The following GLG1 variants were observed in gnomAD, a reference collection of about 807,000 sequenced individuals.
GLG1 encodes Golgi apparatus protein 1.
GLG1 carries 38 observed loss-of-function variants against 160.5 expected under a neutral mutation model. The observed-to-expected ratio is 0.24, with a 90% confidence interval of 0.18 to 0.31. The LOEUF is 0.31. Among genes scored for constraint, GLG1 ranks in the 10% least tolerant of loss-of-function variants. The pLI, the probability that GLG1 is intolerant of heterozygous loss-of-function variation, is 1.00. For missense variants in GLG1, 1,373 were observed against 1,505.2 expected (o/e 0.91, Z 1.45); for synonymous variants, 644 against 543.4 (o/e 1.19, Z -2.57).
At chr16:74,567,119 T>C (rs920317513) in intron 1 of GLG1, among the ~76,000 whole-genome samples, 15 of 151,924 alleles carry the variant, frequency 9.9e-5, no homozygotes, top group African/African-American at 1.5e-4. Context: ...GAATTTTCTA[T>C]AGGAGAAAAT....
intron 1 of GLG1, among the ~76,000 whole-genome samples, chr16:74,599,494 G>T (rs952667266): frequency 6.6e-6 from 1 of 152,130 alleles, no homozygotes; most frequent in Non-Finnish European, 1.5e-5. Flanking sequence ...AAGGCGGGTG[G>T]GATTACCTGA....
At chr16:74,530,840 TCA>T (rs1291876204) in intron 2 of GLG1, among the ~76,000 whole-genome samples, 18 of 152,142 alleles carry the variant, frequency 1.2e-4, no homozygotes, top group Non-Finnish European at 2.2e-4. Flanking sequence ...AACAGTGCAC[TCA>T]TTTTTTGCTG....
chr16:74,452,925 C>G lies in GLG1; in HGVS notation c.*242G>C, dbSNP rs1369793759. On this transcript the variant is annotated 3_prime_UTR_variant, in exon 26 of 26. Coordinates refer to ENST00000422840, the MANE Select transcript of GLG1 (RefSeq NM_001145667.2). ...GAGACTTGTCTACAGGCAGGTAAAC[C>G]CAAGTTTGCCAAACAAAGGCAGTAA... 8.3e-7 allele frequency: 1 copy of G among 1,201,070 alleles called. No individual in the cohort carries two copies. Among genetic ancestry groups the G allele is most frequent in the Admixed American group, 4.3e-5 (1 of 23,416 alleles). The allele number at this position is 1,201,070 out of a possible 1,614,324, so 74.4% of individuals were successfully genotyped here. A position where few individuals can be genotyped will look rare whatever the true frequency, so the allele number is the denominator to read the frequency against.
At chr16:74,478,186 T>C (rs2015461107) in intron 11 of GLG1, among the ~76,000 whole-genome samples, 1 of 152,174 alleles carries the variant, frequency 6.6e-6, no homozygotes, top group African/African-American at 2.4e-5. Context: ...GTTGTTTTGC[T>C]TAGCAAAACT....
chr16:74,583,316 T>A (rs1017748549), intron 1 of GLG1, among the ~76,000 whole-genome samples: 13 of 152,354 alleles, frequency 8.5e-5, no homozygotes, highest in African/African-American at 2.9e-4. Context: ...CTGAAATGCC[T>A]AGCTGTCATT....
intron 1 of GLG1, among the ~76,000 whole-genome samples, chr16:74,574,882 T>TAAAAAAAAAA (rs1567533255): frequency 2.7e-4 from 1 of 3,730 alleles, no homozygotes; most frequent in African/African-American, 1.6e-3. Context: ...AGACTCTGTC[T>TAAAAAAAAAA]CAAAAAAAAA....
rs756461006 is a variant in GLG1, at chr16:74,472,362, T to C, written c.2102A>G (p.Gln701Arg). The C allele has an allele frequency of 1.9e-5, 31 of 1,611,674 alleles. No homozygotes were observed. The South Asian group carries it at 2.7e-4, about 14-fold the overall frequency. ...GACATCACTTACGTGGCAGAAGTTCTGAATTATGGGCTCACAGGCTCTCAT... is the reference window on the plus strand; with the variant it reads ...GACATCACTTACGTGGCAGAAGTTCCGAATTATGGGCTCACAGGCTCTCAT... ...LLMRACEPIIQNFCHDVADNQ... is the reference protein window; with the variant it reads ...LLMRACEPIIRNFCHDVADNQ... Residue 701 changes from glutamine to arginine, a missense_variant, in exon 14 of 26, where the codon CAG becomes CGG. Gln to Arg is a conservative substitution (Grantham distance 43, BLOSUM62 1). Transcript: ENST00000422840.
In GLG1 at chr16:74,452,834, A is replaced by G; in HGVS notation, c.*333T>C. The G allele has an allele frequency of 9.6e-7, 1 of 1,045,558 alleles. No homozygotes were observed. The highest frequency in any genetic ancestry group is 1.1e-6 in the Non-Finnish European group (1 of 869,622). 64.8% of individuals were successfully genotyped at this position (1,045,558 alleles called of 1,614,324 possible). A position where few individuals can be genotyped will look rare whatever the true frequency, so the allele number is the denominator to read the frequency against. ...TTTTTTTTTTGGTGGTTTTCTTAAA[A>G]AAGCCTTTGAGTTGCAGGTCAGGTG... On this transcript the variant is annotated 3_prime_UTR_variant, in exon 26 of 26. Transcript: ENST00000422840.
chr16:74,519,147 A>G (rs1318557344), intron 2 of GLG1, among the ~76,000 whole-genome samples: 1 of 152,222 alleles, frequency 6.6e-6, no homozygotes, highest in Non-Finnish European at 1.5e-5. Flanking sequence ...GTGGAATACT[A>G]TGCAGCCATA....
intron 1 of GLG1, among the ~76,000 whole-genome samples, chr16:74,535,916 C>T (rs2017674552): frequency 6.6e-6 from 1 of 151,884 alleles, no homozygotes; most frequent in Non-Finnish European, 1.5e-5. Flanking sequence ...TCCAAGAACA[C>T]AGTGGTGATT....
At chr16:74,588,466 T>C (rs1246922299) in intron 1 of GLG1, among the ~76,000 whole-genome samples, 1 of 152,156 alleles carries the variant, frequency 6.6e-6, no homozygotes, top group Non-Finnish European at 1.5e-5. Context: ...GGTCTCACTC[T>C]GATGTCCAGG....
At chr16:74,467,153 C>T (rs994780181) in intron 18 of GLG1, among the ~76,000 whole-genome samples, 5 of 152,254 alleles carry the variant, frequency 3.3e-5, no homozygotes, top group African/African-American at 7.2e-5. Context: ...ATATTGACAT[C>T]AGACTTTGCA....
At chr16:74,458,520 T>A (rs577103249) in intron 23 of GLG1, among the ~76,000 whole-genome samples, 1 of 151,284 alleles carries the variant, frequency 6.6e-6, no homozygotes. Context: ...GAAAATTATT[T>A]AAAAAAAAAT....
Position 74,467,793 on chromosome 16 carries a change from T to C in GLG1, c.2492A>G (p.Lys831Arg). 6.8e-6 allele frequency: 11 copies of C among 1,613,642 alleles called. No individual in the cohort carries two copies. The highest frequency in any genetic ancestry group is 1.7e-5 in the Admixed American group (1 of 59,994). The change falls in exon 18 of 26, where the codon AAA (lysine) becomes AGA (arginine). Residue 831 changes from lysine (K) to arginine (R), a missense_variant. This residue lies in a region of GLG1 where 491 missense variants were observed against 632.1 expected (regional missense o/e 0.78). Transcript: ENST00000422840. ...ATATTGCACAGCGGAACAGAAGTTT[T>C]TGATGTCACTCTTGCAGGCTTCGTA... ...DLYEACKSDI[K>R]NFCSAVQYGN...
chr16:74,496,712 CTA>C, intron 4 of GLG1, 68 bp from the exon 5 acceptor site: 1 of 678,702 alleles, frequency 1.5e-6, no homozygotes, highest in Non-Finnish European at 2.6e-6. Context: ...CAACATTTGG[CTA>C]CACACACACA....
intron 12 of GLG1, among the ~76,000 whole-genome samples, chr16:74,476,072 C>G (rs1163431719): frequency 6.6e-6 from 1 of 151,870 alleles, no homozygotes; most frequent in South Asian, 2.1e-4. Context: ...ATCCCAGTTA[C>G]TAAGGAGTCT....
chr16:74,478,498 A>C (rs772155029), intron 11 of GLG1, among the ~76,000 whole-genome samples: 1 of 152,222 alleles, frequency 6.6e-6, no homozygotes, highest in Non-Finnish European at 1.5e-5. Flanking sequence ...GGAGGGATGG[A>C]AAGTAACTGT....
intron 1 of GLG1, among the ~76,000 whole-genome samples, chr16:74,603,191 C>G (rs1033953531): frequency 6.6e-6 from 1 of 152,058 alleles, no homozygotes; most frequent in African/African-American, 2.4e-5. Context: ...GTGGGCAGAT[C>G]ATGAGGTCAG....
chr16:74,577,082 T>C (rs1157277326), intron 1 of GLG1, among the ~76,000 whole-genome samples: 1 of 152,186 alleles, frequency 6.6e-6, no homozygotes, highest in East Asian at 1.9e-4. Flanking sequence ...CCACCATGCC[T>C]GGCTAATTGT....
Sources: gnomAD v4.1 joint callset for allele counts (sites outside exome capture counted in the v4.1 genomes callset) on GRCh38, gnomAD v4.1.1 for gene constraint, gnomAD v4.1.1 regional missense constraint, MANE v1.5 for transcripts, NCBI Gene and HGNC (gene_info 2026-07-23, HGNC 2026-07-21) for gene names.